Variants in RPS6KA2 observed in about 807,000 individuals in gnomAD.
RPS6KA2 encodes ribosomal protein S6 kinase A2, also known as ribosomal protein S6 kinase alpha-2.
RPS6KA2 carries 42 observed loss-of-function variants against 91.8 expected under a neutral mutation model. The ratio of observed to expected loss-of-function variants is 0.46; its 90% CI spans 0.36 to 0.59. The LOEUF is 0.59. RPS6KA2 is among the 20% of genes least tolerant of loss of function. RPS6KA2 has a pLI of 0.00. For missense variants in RPS6KA2, 798 were observed against 978.5 expected (o/e 0.82, Z 2.46); for synonymous variants, 414 against 393.6 (o/e 1.05, Z -0.61).
intron 2 of RPS6KA2, among the ~76,000 whole-genome samples, chr6:166,797,848 GT>G (rs1295621088): frequency 6.6e-6 from 1 of 152,134 alleles, no homozygotes; most frequent in Non-Finnish European, 1.5e-5. Flanking sequence ...TGATTGATAG[GT>G]GTAACCGCCG....
chr6:166,511,588 C>T (rs1043855013), intron 3 of RPS6KA2, among the ~76,000 whole-genome samples: 18 of 152,108 alleles, frequency 1.2e-4, no homozygotes, highest in African/African-American at 4.3e-4. Context: ...GCTGCTACAC[C>T]CAGGGCAGTA....
At chr6:166,535,638 C>T (rs559064684) in intron 2 of RPS6KA2, among the ~76,000 whole-genome samples, 3 of 152,328 alleles carry the variant, frequency 2.0e-5, no homozygotes, top group African/African-American at 4.8e-5. Flanking sequence ...TTCCCAGCCC[C>T]GGGGTGGTTC....
chr6:166,454,834 A>G (rs1047182893), intron 12 of RPS6KA2, among the ~76,000 whole-genome samples: 1 of 151,320 alleles, frequency 6.6e-6, no homozygotes, highest in Non-Finnish European at 1.5e-5. Flanking sequence ...TACTTAAAAA[A>G]TTAAATATAT....
chr6:166,567,721 T>G (rs75553087), intron 1 of RPS6KA2, among the ~76,000 whole-genome samples: 1,720 of 152,296 alleles, frequency 0.011, 9 homozygotes, highest in Admixed American at 0.016. Context: ...TCACAGCACA[T>G]GCTCGGCCCT....
intron 1 of RPS6KA2, among the ~76,000 whole-genome samples, chr6:166,600,713 A>G (rs996653991): frequency 6.6e-5 from 10 of 152,258 alleles, no homozygotes; most frequent in African/African-American, 2.4e-4. Context: ...AGGACTAAAT[A>G]ATATAGCTGC....
intron 2 of RPS6KA2, among the ~76,000 whole-genome samples, chr6:166,763,975 A>G (rs1409436014): frequency 2.0e-5 from 3 of 152,232 alleles, no homozygotes; most frequent in Non-Finnish European, 4.4e-5. Flanking sequence ...AACACTGTCC[A>G]TGACCTGCTG....
chr6:166,436,317 A>G (rs199854172), intron 14 of RPS6KA2, among the ~76,000 whole-genome samples: 1 of 135,114 alleles, frequency 7.4e-6, no homozygotes, highest in African/African-American at 3.5e-5. Context: ...AAGCCCCAGA[A>G]AAAAAAAAAA....
At chr6:166,797,887 A>G (rs966935322) in intron 2 of RPS6KA2, among the ~76,000 whole-genome samples, 3 of 152,190 alleles carry the variant, frequency 2.0e-5, no homozygotes, top group African/African-American at 7.2e-5. Context: ...ACTTGAACTC[A>G]AGTTGTGCTG....
At chr6:166,441,931 G>C (rs1779530710) in intron 14 of RPS6KA2, among the ~76,000 whole-genome samples, 1 of 152,258 alleles carries the variant, frequency 6.6e-6, no homozygotes, top group South Asian at 2.1e-4. Context: ...GGAACCAGGT[G>C]CACTGTGCCT....
intron 2 of RPS6KA2, among the ~76,000 whole-genome samples, chr6:166,713,857 G>A (rs1001465116): frequency 2.0e-5 from 3 of 152,222 alleles, no homozygotes; most frequent in Non-Finnish European, 4.4e-5. Context: ...CCGTCGTGGA[G>A]GAAGCTGACA....
At chr6:166,829,910 G>T (rs374478776) in intron 2 of RPS6KA2, among the ~76,000 whole-genome samples, 1 of 152,244 alleles carries the variant, frequency 6.6e-6, no homozygotes, top group African/African-American at 2.4e-5. Flanking sequence ...CAGAGTTCAA[G>T]ACTAGCCTGG....
chr6:166,550,994 C>CAAAAAAAAAAAAAAAAAAAAAA lies in RPS6KA2; in HGVS notation c.100-12211_100-12210insTTTTTTTTTTTTTTTTTTTTTT, dbSNP rs58796308. Among the ~76,000 whole-genome samples, 30 of 106,358 alleles carry CAAAAAAAAAAAAAAAAAAAAAA rather than the reference C, an allele frequency of 2.8e-4. 1 individual carries two copies. Among genetic ancestry groups the CAAAAAAAAAAAAAAAAAAAAAA allele is most frequent in the Non-Finnish European group, 4.6e-4 (23 of 50,246 alleles). The allele number at this position is 106,358 out of a possible 152,430, so 69.8% of individuals were successfully genotyped here. A position where few individuals can be genotyped will look rare whatever the true frequency, so the allele number is the denominator to read the frequency against. On this transcript the variant is annotated intron_variant, in intron 1 of 20. Coordinates refer to ENST00000265678, the MANE Select transcript of RPS6KA2 (RefSeq NM_021135.6). The stretch of plus-strand genomic sequence containing the variant: ...CTGGCAACAGAGCCGGACTCTATCT[C>CAAAAAAAAAAAAAAAAAAAAAA]AAAAAAAAAAAAAAAAAGAACGTGA...
chr6:166,494,694 G>A lies in RPS6KA2; in HGVS notation c.747+3814C>T, dbSNP rs927925710. Among the ~76,000 whole-genome samples the A allele has an allele frequency of 3.9e-5, 6 of 152,148 alleles. No homozygotes were observed. The highest frequency in any genetic ancestry group is 1.4e-4 in the African/African-American group (6 of 41,422). ...TTTCAGACACGGAATTTTATTCAGG[G>A]ACACTGACTTCCTGCCCCTGGCACA... On this transcript the variant is annotated intron_variant, in intron 8 of 20. Coordinates refer to ENST00000265678, the MANE Select transcript of RPS6KA2 (RefSeq NM_021135.6). The surrounding 1 kb of genome is among the most constrained non-coding windows in gnomAD (Gnocchi z 5.1).
intron 1 of RPS6KA2, among the ~76,000 whole-genome samples, chr6:166,590,025 A>G (rs576621957): frequency 6.6e-6 from 1 of 152,248 alleles, no homozygotes; most frequent in African/African-American, 2.4e-5. Context: ...TGCTCAGAGG[A>G]GGAGGCAAGG....
intron 10 of RPS6KA2, among the ~76,000 whole-genome samples, chr6:166,486,848 GT>G (rs1462026007): frequency 7.7e-6 from 1 of 129,236 alleles, no homozygotes. Flanking sequence ...GTCAGGAGAC[GT>G]TTGATCATCA....
Position 166,626,892 on chromosome 6 carries a change from C to G in RPS6KA2, c.99+29G>C. On this transcript the variant is annotated intron_variant, in intron 1 of 20. Coordinates refer to ENST00000265678, the MANE Select transcript of RPS6KA2 (RefSeq NM_021135.6). The surrounding 1 kb of genome is among the most constrained non-coding windows in gnomAD (Gnocchi z 4.1). ...ACCACGGCCCGCTCAGTGCCCGGCA[C>G]CTGCGCGCCCCGAGGGCGGCCGCAT... 1 of 1,460,670 alleles carries G rather than the reference C, an allele frequency of 6.8e-7. No homozygotes were observed. Among genetic ancestry groups the G allele is most frequent in the Non-Finnish European group, 9.1e-7 (1 of 1,098,626 alleles). 90.5% of individuals were successfully genotyped at this position (1,460,670 alleles called of 1,614,324 possible).
chr6:166,469,025 G>A (rs1780650772), intron 11 of RPS6KA2, among the ~76,000 whole-genome samples: 1 of 152,182 alleles, frequency 6.6e-6, no homozygotes, highest in Admixed American at 6.5e-5. Flanking sequence ...TTAACCTAAA[G>A]GAAAGAGCTG....
At chr6:166,507,449 T>TCATA (rs1226655478) in intron 5 of RPS6KA2, among the ~76,000 whole-genome samples, 12 of 131,846 alleles carry the variant, frequency 9.1e-5, no homozygotes, top group Non-Finnish European at 4.8e-5. Context: ...CACACACAAC[T>TCATA]CATACATACA....
At chr6:166,492,048 T>C (rs1310442555) in intron 8 of RPS6KA2, among the ~76,000 whole-genome samples, 1 of 152,228 alleles carries the variant, frequency 6.6e-6, no homozygotes, top group Middle Eastern at 3.2e-3. Context: ...GATGATTTCC[T>C]AAGATTTATT....
Sources: allele counts gnomAD v4.1 joint callset (sites outside exome capture counted in the v4.1 genomes callset), GRCh38; gene constraint gnomAD v4.1.1; non-coding constraint Gnocchi (gnomAD v3.1); transcripts MANE v1.5; gene names NCBI Gene and HGNC (gene_info 2026-07-23, HGNC 2026-07-21).